ANO2: variants seen among roughly 807,000 people sequenced by gnomAD.
The protein encoded by ANO2 is anoctamin 2.
In ANO2, 101 loss-of-function variants were observed where a neutral mutation model predicts 124.2. The ratio of observed to expected loss-of-function variants is 0.81; its 90% confidence interval spans 0.69 to 0.96. ANO2 has a LOEUF of 0.96. ANO2 is among the 40% of genes least tolerant of loss of function. The pLI, the probability that ANO2 is intolerant of heterozygous loss-of-function variation, is 0.00. For synonymous variants in ANO2, 486 were observed against 482.5 expected (o/e 1.01, Z -0.09); for missense variants, 1,293 against 1,274.5 (o/e 1.01, Z -0.22).
chr12:5,699,538 C>T (rs1050942282), intron 14 of ANO2, among the ~76,000 whole-genome samples: 16 of 151,822 alleles, frequency 1.1e-4, no homozygotes, highest in African/African-American at 3.1e-4. Context: ...CATCAACTAA[C>T]GAGCAAAATA....
intron 14 of ANO2, among the ~76,000 whole-genome samples, chr12:5,683,043 C>T (rs1290979278): frequency 2.0e-5 from 3 of 152,152 alleles, no homozygotes; most frequent in African/African-American, 4.8e-5. Flanking sequence ...CCCAAGCCTG[C>T]CTCTTCTCTG....
chr12:5,813,719 C>G (rs1003995595), intron 7 of ANO2, among the ~76,000 whole-genome samples: 1 of 152,330 alleles, frequency 6.6e-6, no homozygotes, highest in East Asian at 1.9e-4. Context: ...GGCCACACCC[C>G]TGGTACCTGC....
At chr12:5,882,195 GAAGTCTA>G (rs1938551175) in intron 3 of ANO2, among the ~76,000 whole-genome samples, 1 of 152,148 alleles carries the variant, frequency 6.6e-6, no homozygotes, top group African/African-American at 2.4e-5. Flanking sequence ...CTCAGTCACT[GAAGTCTA>G]AAGACCTATC....
chr12:5,639,312 C>T (rs1347610643), intron 15 of ANO2, among the ~76,000 whole-genome samples: 2 of 152,162 alleles, frequency 1.3e-5, no homozygotes, highest in Admixed American at 6.5e-5. Flanking sequence ...ATGACCTCCA[C>T]CTAGTTTATT....
At chr12:5,731,163 A>G (rs1010260971) in intron 14 of ANO2, among the ~76,000 whole-genome samples, 2 of 152,214 alleles carry the variant, frequency 1.3e-5, no homozygotes, top group African/African-American at 4.8e-5. Context: ...GGGTGGAGAA[A>G]GAAGTTTGCA....
At chr12:5,607,988 C>T (rs1159312871) in intron 19 of ANO2, among the ~76,000 whole-genome samples, 1 of 152,080 alleles carries the variant, frequency 6.6e-6, no homozygotes, top group Non-Finnish European at 1.5e-5. Context: ...CCCACTCCCC[C>T]GGTCCACGGA....
intron 1 of ANO2, among the ~76,000 whole-genome samples, chr12:5,928,546 T>G (rs1385767491): frequency 1.3e-5 from 2 of 151,292 alleles, no homozygotes. Context: ...TCGTCTACCT[T>G]CTTTCCTTAT....
intron 14 of ANO2, among the ~76,000 whole-genome samples, chr12:5,715,844 A>G (rs1295336290): frequency 2.6e-5 from 4 of 152,236 alleles, no homozygotes; most frequent in African/African-American, 4.8e-5. Context: ...ATGCTCCTGA[A>G]ATAGCCCAGA....
chr12:5,666,880 A>G (rs1054986759), intron 14 of ANO2, among the ~76,000 whole-genome samples: 2 of 150,868 alleles, frequency 1.3e-5, no homozygotes, highest in African/African-American at 2.4e-5. Flanking sequence ...AACGAGATCT[A>G]TGAAGGGGGT....
intron 8 of ANO2, among the ~76,000 whole-genome samples, chr12:5,806,885 A>T (rs185310159): frequency 6.6e-6 from 1 of 152,208 alleles, no homozygotes; most frequent in Non-Finnish European, 1.5e-5. Flanking sequence ...CATACAAAAT[A>T]TCACTTTCAG....
intron 3 of ANO2, among the ~76,000 whole-genome samples, chr12:5,860,057 CCT>C (rs775605220): frequency 2.6e-5 from 4 of 152,030 alleles, no homozygotes; most frequent in African/African-American, 7.2e-5. Context: ...GGTACCAGCC[CCT>C]CTCACCCTCC....
chr12:5,625,594 T>C (rs1220315167), intron 16 of ANO2, among the ~76,000 whole-genome samples: 1 of 152,116 alleles, frequency 6.6e-6, no homozygotes, highest in Non-Finnish European at 1.5e-5. Context: ...GCCCCTGTGA[T>C]TCTGCTCCCC....
At chr12:5,795,518 T>C (rs1465544276) in intron 10 of ANO2, among the ~76,000 whole-genome samples, 3 of 152,198 alleles carry the variant, frequency 2.0e-5, no homozygotes, top group African/African-American at 7.2e-5. Flanking sequence ...CTCCCACAAG[T>C]CAACAGGCTG....
At chr12:5,603,289 A>G (rs1565461902) in intron 19 of ANO2, among the ~76,000 whole-genome samples, 1 of 152,230 alleles carries the variant, frequency 6.6e-6, no homozygotes, top group Non-Finnish European at 1.5e-5. Context: ...GGACATTTAA[A>G]CAAAAGTGAC....
rs570455674 is a variant in ANO2, at chr12:5,657,509, T to C, written c.1546-9708A>G. Among the ~76,000 whole-genome samples, 448 of 151,130 alleles carry C rather than the reference T, an allele frequency of 3.0e-3. 3 individuals are homozygous for C. Among genetic ancestry groups the C allele is most frequent in the African/African-American group, 0.011 (432 of 41,088 alleles). ...ACTTTTCCATTTTTTTTTTTTGTTA[T>C]GCTTTTTTGAAATAGGATCTTGTTC... On this transcript the variant is annotated intron_variant, in intron 14 of 24. Coordinates refer to ENST00000682330, the MANE Select transcript of ANO2 (RefSeq NM_001364791.2).
chr12:5,876,682 A>C (rs144724900), intron 3 of ANO2, among the ~76,000 whole-genome samples: 3 of 152,336 alleles, frequency 2.0e-5, no homozygotes, highest in African/African-American at 7.2e-5. Flanking sequence ...GTTTGCAGAG[A>C]CATGGATGAA....
In ANO2 at chr12:5,696,843, G is replaced by T. The variant is rs1449484163; in HGVS notation, c.1545+35677C>A. On this transcript the variant is annotated intron_variant, in intron 14 of 24. Transcript: ENST00000682330. ...TGCATTAGTGAAGTTCAGTACCTTTGCAGGTTAAAGGAGAAAAGCTACATG... is the reference window on the plus strand; with the variant it reads ...TGCATTAGTGAAGTTCAGTACCTTTTCAGGTTAAAGGAGAAAAGCTACATG... 3.9e-5 allele frequency among the ~76,000 whole-genome samples: 6 copies of T among 152,304 alleles called. 1 individual carries two copies. Among genetic ancestry groups the T allele is most frequent in the Admixed American group, 3.3e-4 (5 of 15,298 alleles).
rs139436373 is a variant in ANO2, at chr12:5,677,987, G to A, written c.1546-30186C>T. Among the ~76,000 whole-genome samples the A allele has an allele frequency of 8.5e-4, 130 of 152,246 alleles. 2 individuals are homozygous for A. In the East Asian group the frequency reaches 0.022, roughly 26 times the overall value. ...TGCAGTTTGGACAAGATAAGCAGGA[G>A]GGAAGATCAGAGAGGTAGGGAAGAA... is the stretch of plus-strand genomic sequence containing the variant. On this transcript the variant is annotated intron_variant, in intron 14 of 24. Coordinates refer to ENST00000682330, the MANE Select transcript of ANO2 (RefSeq NM_001364791.2).
At chr12:5,721,047 C>T (rs1950214133) in intron 14 of ANO2, among the ~76,000 whole-genome samples, 1 of 152,194 alleles carries the variant, frequency 6.6e-6, no homozygotes, top group Admixed American at 6.5e-5. Context: ...CTCTGGCATC[C>T]TTCTCCATGA....
Sources: gnomAD v4.1 joint callset for allele counts (sites outside exome capture counted in the v4.1 genomes callset) on GRCh38, gnomAD v4.1.1 for gene constraint, MANE v1.5 for transcripts, NCBI Gene and HGNC (gene_info 2026-07-23, HGNC 2026-07-21) for gene names.